Variants in GGA1 observed in about 807,000 individuals in gnomAD.
GGA1 encodes golgi associated, gamma adaptin ear containing, ARF binding protein 1, also known as ADP-ribosylation factor-binding protein GGA1.
A neutral mutation model predicts 76.9 loss-of-function variants in GGA1; 18 were observed. That is an observed-to-expected ratio of 0.23 (90% CI 0.16 to 0.35). The LOEUF (loss-of-function observed/expected upper bound fraction) is 0.35. GGA1 is among the 10% of genes least tolerant of loss of function. GGA1 has a pLI of 1.00. For missense variants in GGA1, 755 were observed against 859.0 expected, an observed-to-expected ratio of 0.88 and a Z score of 1.51; for synonymous variants, 342 against 354.7, an observed-to-expected ratio of 0.96 and a Z score of 0.40.
chr22:37,629,748 T>TTTGGGA (rs1931461830), intron 12 of GGA1, among the ~76,000 whole-genome samples: 1 of 152,182 alleles, frequency 6.6e-6, no homozygotes. Flanking sequence ...CAGCCCAGCC[T>TTTGGGA]TTGGGATTGG....
chr22:37,630,245 T>C, intron 13 of GGA1, 75 bp downstream of exon 13: 1 of 1,129,206 alleles, frequency 8.9e-7, no homozygotes, highest in Middle Eastern at 2.2e-4. Flanking sequence ...CTCCTGGGCT[T>C]GTCCAGGCCC....
intron 4 of GGA1, chr22:37,619,746 C>G (rs1037370940): frequency 1.0e-5 from 8 of 774,798 alleles, no homozygotes; most frequent in Non-Finnish European, 1.9e-5. Flanking sequence ...CAGACCCATC[C>G]TTTGACCAGA....
chr22:37,609,724 C>G (rs924683353), intron 1 of GGA1, among the ~76,000 whole-genome samples: 1 of 152,198 alleles, frequency 6.6e-6, no homozygotes, highest in Non-Finnish European at 1.5e-5. Flanking sequence ...CTCACAGCCC[C>G]GCTCCTGGAC....
chr22:37,616,877 G>A (rs552269979), intron 2 of GGA1, 45 bp from the exon 3 acceptor site: 34 of 1,546,802 alleles, frequency 2.2e-5, no homozygotes, highest in Admixed American at 1.8e-4. Context: ...TAGGGTGACC[G>A]GGACTCCGTG....
intron 11 of GGA1, among the ~76,000 whole-genome samples, chr22:37,627,749 C>G (rs530137524): frequency 5.3e-4 from 81 of 152,342 alleles, no homozygotes; most frequent in African/African-American, 1.9e-3. Flanking sequence ...CTCTCAGAGG[C>G]AAAGCATGGG....
chr22:37,614,806 C>G (rs988080641), intron 2 of GGA1, among the ~76,000 whole-genome samples: 2 of 152,256 alleles, frequency 1.3e-5, no homozygotes, highest in African/African-American at 4.8e-5. Context: ...TGGTGACACC[C>G]CGTCTCTACT....
intron 5 of GGA1, 68 bp downstream of exon 5, chr22:37,620,429 C>G: frequency 1.3e-6 from 2 of 1,558,682 alleles, no homozygotes; most frequent in Non-Finnish European, 1.8e-6. Flanking sequence ...AGCTGGGGCT[C>G]CAGCGGCTTC....
chr22:37,613,408 G>A (rs1436025143), intron 1 of GGA1, among the ~76,000 whole-genome samples: 6 of 150,440 alleles, frequency 4.0e-5, no homozygotes, highest in Non-Finnish European at 8.9e-5. Context: ...TTGTTTGTTT[G>A]AGACGGAGTC....
intron 13 of GGA1, 143 bp from the exon 14 acceptor site, chr22:37,630,760 G>A (rs1931657559): frequency 1.6e-5 from 10 of 627,068 alleles, no homozygotes; most frequent in Non-Finnish European, 2.5e-5. Flanking sequence ...TACAGACCGG[G>A]TTTCGCCATG....
At chr22:37,630,870 A>G (rs1276960505) in intron 13 of GGA1, 33 bp from the exon 14 acceptor site, 4 of 1,528,928 alleles carry the variant, frequency 2.6e-6, no homozygotes, top group Non-Finnish European at 3.6e-6. Context: ...GCTGGCCAAG[A>G]ATCACTTCTT....
rs983283973 is a variant in GGA1 at position 37,619,962 on chromosome 22, A to G, written c.304-276A>G. The G allele has an allele frequency of 1.9e-5, 12 of 645,580 alleles. No homozygotes were observed. In the East Asian group the frequency reaches 2.7e-4, roughly 15 times the overall value. The allele number at this position is 645,580 out of a possible 1,614,324, so 40.0% of individuals were successfully genotyped here. On this transcript the variant is annotated intron_variant, in intron 4 of 16. Coordinates refer to ENST00000343632, the MANE Select transcript of GGA1 (RefSeq NM_013365.5). ...CAAGGCTAAGTCCCCAGAGCCGACT[A>G]TGAGCAGGCCTGTCCCTCATGTCAG...
intron 2 of GGA1, among the ~76,000 whole-genome samples, chr22:37,614,849 C>T (rs963210006): frequency 1.3e-5 from 2 of 152,066 alleles, no homozygotes; most frequent in South Asian, 2.1e-4. Context: ...CGTGGTGGCA[C>T]GTGCCTGTAA....
Position 37,625,193 on chromosome 22 carries a change from C to T in GGA1, c.940+117C>T. On this transcript the variant is annotated intron_variant, in intron 10 of 16. Coordinates refer to ENST00000343632, the MANE Select transcript of GGA1 (RefSeq NM_013365.5). This position sits in a 1 kb window ranked among gnomAD's most constrained non-coding sequence, Gnocchi z 4.1. ...AATGACTGCCAGGGTGACCCTGGCC[C>T]CTTAAGATGGGGAAGGCCCCAGGGA... 1 of 913,064 alleles carries T rather than the reference C, an allele frequency of 1.1e-6. No homozygotes were observed. Among genetic ancestry groups the T allele is most frequent in the Non-Finnish European group, 1.7e-6 (1 of 597,490 alleles). 56.6% of individuals were successfully genotyped at this position (913,064 alleles called of 1,614,324 possible). A position where few individuals can be genotyped will look rare whatever the true frequency, so the allele number is the denominator to read the frequency against.
At chr22:37,609,181 C>T (rs1926975438) in intron 1 of GGA1, 1 of 1,411,962 alleles carries the variant, frequency 7.1e-7, no homozygotes, top group Non-Finnish European at 9.3e-7. Flanking sequence ...ACCCCCGGGA[C>T]GGAGAGAGCA....
chr22:37,625,985 C>A lies in GGA1; in HGVS notation c.1093+36C>A, dbSNP rs533788107. On this transcript the variant is annotated intron_variant, in intron 11 of 16. Transcript: ENST00000343632. This position sits in a 1 kb window ranked among gnomAD's most constrained non-coding sequence, Gnocchi z 4.1. ...GGCCAGGCCTGGAGGAGGGCGGGCT[C>A]AGCAGCAGATGGGGCATGATCCCAG... 9 of 1,528,842 alleles carry A rather than the reference C, an allele frequency of 5.9e-6. No individual in the cohort carries two copies. In the East Asian group the frequency reaches 1.9e-4, roughly 32 times the overall value. The allele number at this position is 1,528,842 out of a possible 1,614,324, so 94.7% of individuals were successfully genotyped here.
chr22:37,618,404 C>G, intron 3 of GGA1, 44 bp from the exon 4 acceptor site: 1 of 1,236,034 alleles, frequency 8.1e-7, no homozygotes, highest in Non-Finnish European at 1.2e-6. Flanking sequence ...GCCACGGCCT[C>G]TGATGCACCT....
At chr22:37,620,590 C>G (rs1402725807) in intron 5 of GGA1, among the ~76,000 whole-genome samples, 2 of 152,168 alleles carry the variant, frequency 1.3e-5, no homozygotes, top group Non-Finnish European at 2.9e-5. Context: ...AGAGTGGTCT[C>G]CAGGGAGTGG....
In GGA1 at chr22:37,620,817, T is replaced by C; in HGVS notation, c.432T>C (p.Ile144=). The C allele has an allele frequency of 1.9e-6, 3 of 1,595,952 alleles. No homozygotes were observed. Among genetic ancestry groups the C allele is most frequent in the Non-Finnish European group, 2.6e-6 (3 of 1,163,370 alleles). The change falls in exon 6 of 17, where the codon ATT becomes ATC. Residue 144 remains isoleucine, a synonymous_variant. Coordinates refer to ENST00000343632, the MANE Select transcript of GGA1 (RefSeq NM_013365.5). ...EAYQMLKKQG[I]VKSDPKLPDD... is the part of the protein sequence containing the mutation. ...TCTGACACTCATCTAATCCAGGGAT[T>C]GTAAAGTCCGACCCCAAGCTTCCAG... is the stretch of plus-strand genomic sequence containing the variant.
rs1930635572 is a variant in GGA1, at chr22:37,625,378, T to C, written c.940+302T>C. On this transcript the variant is annotated intron_variant, in intron 10 of 16. Transcript: ENST00000343632. This position sits in a 1 kb window ranked among gnomAD's most constrained non-coding sequence, Gnocchi z 4.1. Reference sequence around the variant, plus strand: ...TAGGGCTAGATGACACCCCAGAGGCTTTATGTATCAGAAAATGCGAGGGGG... The same window carrying C: ...TAGGGCTAGATGACACCCCAGAGGCCTTATGTATCAGAAAATGCGAGGGGG... 6.6e-6 allele frequency among the ~76,000 whole-genome samples: 1 copy of C among 152,028 alleles called. No homozygotes were observed. Among genetic ancestry groups the C allele is most frequent in the African/African-American group, 2.4e-5 (1 of 41,374 alleles).
Sources: allele counts gnomAD v4.1 joint callset (sites outside exome capture counted in the v4.1 genomes callset), GRCh38; gene constraint gnomAD v4.1.1; non-coding constraint Gnocchi (gnomAD v3.1); transcripts MANE v1.5; gene names NCBI Gene and HGNC (gene_info 2026-07-23, HGNC 2026-07-21).